The following RAB10 variants were observed in gnomAD, a reference collection of about 807,000 sequenced individuals.
The protein encoded by RAB10 is RAB10, member RAS oncogene family, also known as ras-related protein Rab-10.
A neutral mutation model predicts 25.7 loss-of-function variants in RAB10; 5 were observed. The observed-to-expected ratio is 0.19, with a 90% CI of 0.10 to 0.41. RAB10 has a LOEUF of 0.41. RAB10 is among the 10% of genes least tolerant of loss of function. RAB10 has a pLI of 1.00. For missense variants in RAB10, 103 were observed against 245.8 expected, an observed-to-expected ratio of 0.42 and a Z score of 3.89; for synonymous variants, 89 against 86.4, an observed-to-expected ratio of 1.03 and a Z score of -0.16.
rs1668128907 is a variant in RAB10 at position 26,137,190 on chromosome 2, A to G, written c.*2169A>G. On this transcript the variant is annotated 3_prime_UTR_variant, in exon 6 of 6. Transcript: ENST00000264710. ...TTAAATCTGCACTTTCTAAATATCA[A>G]AAAAGGGAAATGAAGTATAAATCAA... is the stretch of plus-strand genomic sequence containing the variant. The G allele has an allele frequency of 6.5e-6, 1 of 152,684 alleles. No homozygotes were observed. Among genetic ancestry groups the G allele is most frequent in the African/African-American group, 2.4e-5 (1 of 41,470 alleles). The allele number at this position is 152,684 out of a possible 1,614,324, so 9.5% of individuals were successfully genotyped here.
At chr2:26,134,833 T>C in intron 5 of RAB10, 105 bp from the exon 6 acceptor site, 1 of 808,308 alleles carries the variant, frequency 1.2e-6, no homozygotes, top group Non-Finnish European at 1.9e-6. Context: ...GTGATTGTAG[T>C]TGTATTTTGT....
At chr2:26,040,792 A>T (rs1293560025) in intron 1 of RAB10, among the ~76,000 whole-genome samples, 1 of 152,162 alleles carries the variant, frequency 6.6e-6, no homozygotes, top group East Asian at 1.9e-4. Flanking sequence ...CTTATTGGCT[A>T]TGGTTTTTTG....
intron 2 of RAB10, among the ~76,000 whole-genome samples, chr2:26,109,322 T>C (rs1472920879): frequency 6.6e-6 from 1 of 152,162 alleles, no homozygotes. Context: ...AGGAGCAAAA[T>C]ACATCTTACA....
At chr2:26,127,741 C>G in intron 4 of RAB10, 109 bp from the exon 5 acceptor site, 5 of 721,186 alleles carry the variant, frequency 6.9e-6, no homozygotes, top group Non-Finnish European at 1.2e-5. Flanking sequence ...GTTATATATT[C>G]TAGTTGGGAC....
At position 26,034,496 on chromosome 2, in the gene RAB10, C is replaced by T; in HGVS notation, c.-113C>T. The T allele has an allele frequency of 6.9e-7, 1 of 1,444,506 alleles. No individual in the cohort carries two copies. 89.5% of individuals were successfully genotyped at this position (1,444,506 alleles called of 1,614,324 possible). ...CGCCCGCGCCGTCTCGAGCCTTTTT[C>T]CCACGCTTCCCCGGTCCTCCGGCCT... On this transcript the variant is annotated 5_prime_UTR_variant, in exon 1 of 6. Coordinates refer to ENST00000264710, the MANE Select transcript of RAB10 (RefSeq NM_016131.5).
At chr2:26,074,214 C>A (rs1468424710) in intron 1 of RAB10, among the ~76,000 whole-genome samples, 3 of 151,988 alleles carry the variant, frequency 2.0e-5, no homozygotes, top group Non-Finnish European at 4.4e-5. Flanking sequence ...AAGACCCTTA[C>A]AAAGAGTATT....
intron 3 of RAB10, among the ~76,000 whole-genome samples, chr2:26,113,080 G>A (rs765933148): frequency 3.9e-5 from 6 of 151,984 alleles, no homozygotes; most frequent in Non-Finnish European, 4.4e-5. Flanking sequence ...GTGCAACTCC[G>A]TCTCAAAAAG....
chr2:26,134,324 C>G (rs1668066146), intron 5 of RAB10, among the ~76,000 whole-genome samples: 1 of 152,078 alleles, frequency 6.6e-6, no homozygotes, highest in South Asian at 2.1e-4. Flanking sequence ...TGCTGTGTTG[C>G]CCAACGTGGT....
intron 1 of RAB10, among the ~76,000 whole-genome samples, chr2:26,077,658 A>C (rs1666766649): frequency 6.6e-6 from 1 of 152,188 alleles, no homozygotes; most frequent in Non-Finnish European, 1.5e-5. Context: ...CAGGAACTTC[A>C]GAATAGAATT....
chr2:26,079,688 CAG>C (rs771585484), intron 1 of RAB10, among the ~76,000 whole-genome samples: 6 of 142,662 alleles, frequency 4.2e-5, no homozygotes, highest in Non-Finnish European at 9.2e-5. Context: ...CCTTTTTTGA[CAG>C]AGTCTCACTC....
chr2:26,076,958 A>C (rs1004574329), intron 1 of RAB10, among the ~76,000 whole-genome samples: 31 of 151,932 alleles, frequency 2.0e-4, no homozygotes, highest in South Asian at 1.0e-3. Context: ...AAAAAAAAAA[A>C]AACAGAAAAG....
rs549574280 is a variant in RAB10 at position 26,090,935 on chromosome 2, C to A, written c.128-7727C>A. 4.8e-3 allele frequency among the ~76,000 whole-genome samples: 324 copies of A among 67,620 alleles called. 1 individual carries two copies. Among genetic ancestry groups the A allele is most frequent in the Middle Eastern group, 0.011 (2 of 174 alleles). 44.4% of individuals were successfully genotyped at this position (67,620 alleles called of 152,430 possible). A position where few individuals can be genotyped will look rare whatever the true frequency, so the allele number is the denominator to read the frequency against. Reference sequence around the variant, plus strand: ...GGCAAAAGAGCGAGACCCTGTCTCCCCCCCCAAAAAAAAAAAAAAAAATTC... The same window carrying A: ...GGCAAAAGAGCGAGACCCTGTCTCCACCCCCAAAAAAAAAAAAAAAAATTC... On this transcript the variant is annotated intron_variant, in intron 1 of 5. Transcript: ENST00000264710.
At chr2:26,060,349 G>A (rs1666369181) in intron 1 of RAB10, among the ~76,000 whole-genome samples, 1 of 152,112 alleles carries the variant, frequency 6.6e-6, no homozygotes, top group African/African-American at 2.4e-5. Flanking sequence ...CTGGAGTGCA[G>A]TGGCACGATC....
intron 1 of RAB10, among the ~76,000 whole-genome samples, chr2:26,066,876 A>G (rs544943301): frequency 6.9e-6 from 1 of 145,506 alleles, no homozygotes; most frequent in East Asian, 2.0e-4. Flanking sequence ...TCCACCTCCC[A>G]GGTTCAAGTG....
At chr2:26,065,891 A>G (rs1194308276) in intron 1 of RAB10, among the ~76,000 whole-genome samples, 1 of 152,146 alleles carries the variant, frequency 6.6e-6, no homozygotes, top group Non-Finnish European at 1.5e-5. Context: ...AATCATTTCA[A>G]GTATATTTTT....
At chr2:26,117,703 CAT>C (rs1282511124) in intron 3 of RAB10, among the ~76,000 whole-genome samples, 8 of 150,668 alleles carry the variant, frequency 5.3e-5, no homozygotes, top group African/African-American at 1.7e-4. Context: ...ACCTAACTAA[CAT>C]AGCCTGGGAG....
At chr2:26,128,708 G>A in intron 5 of RAB10, among the ~76,000 whole-genome samples, 1 of 152,132 alleles carries the variant, frequency 6.6e-6, no homozygotes, top group East Asian at 1.9e-4. Flanking sequence ...TACATATTCT[G>A]TACGTACTGA....
At chr2:26,133,309 T>G (rs2149291321) in intron 5 of RAB10, among the ~76,000 whole-genome samples, 1 of 152,278 alleles carries the variant, frequency 6.6e-6, no homozygotes, top group South Asian at 2.1e-4. Context: ...TACAATAGCA[T>G]CGATAAATCT....
intron 1 of RAB10, among the ~76,000 whole-genome samples, chr2:26,081,844 A>T (rs1220081630): frequency 6.6e-6 from 1 of 152,234 alleles, no homozygotes; most frequent in Admixed American, 6.5e-5. Flanking sequence ...TCAATTTAGA[A>T]TTCATTCCTG....
Sources: gnomAD v4.1 joint callset for allele counts (sites outside exome capture counted in the v4.1 genomes callset) on GRCh38, gnomAD v4.1.1 for gene constraint, MANE v1.5 for transcripts, NCBI Gene and HGNC (gene_info 2026-07-23, HGNC 2026-07-21) for gene names.